PGPEP1L: variants seen among roughly 807,000 people sequenced by gnomAD.
PGPEP1L encodes the protein pyroglutamyl-peptidase 1-like protein.
A neutral mutation model predicts 6.0 loss-of-function variants in PGPEP1L; 7 were observed. The ratio of observed to expected loss-of-function variants is 1.17; its 90% CI spans 0.66 to 2.19. The LOEUF is 2.19. Ranked by LOEUF, PGPEP1L falls within the 30% of genes most tolerant of loss-of-function variation. The probability of loss-of-function intolerance (pLI) is 0.00; values close to 1 mark genes in which losing one functional copy is unlikely to be tolerated. For synonymous variants in PGPEP1L, 103 were observed against 83.9 expected, an observed-to-expected ratio of 1.23 and a Z score of -1.24; for missense variants, 209 against 192.5, an observed-to-expected ratio of 1.09 and a Z score of -0.51.
At chr15:98,994,549 G>A (rs115513148) in intron 2 of PGPEP1L, among the ~76,000 whole-genome samples, 2,593 of 152,060 alleles carry the variant, frequency 0.017, 82 homozygotes, top group African/African-American at 0.059. Context: ...CAGCTATACT[G>A]CATTCCAGCC....
intron 2 of PGPEP1L, chr15:98,998,116 C>T (rs192775880): frequency 3.2e-4 from 49 of 152,772 alleles, no homozygotes; most frequent in Admixed American, 3.2e-3. Flanking sequence ...TTTACCTTCA[C>T]TGCTTCCCAG....
intron 2 of PGPEP1L, among the ~76,000 whole-genome samples, chr15:98,974,521 A>G (rs1484677645): frequency 1.3e-5 from 2 of 152,248 alleles, no homozygotes; most frequent in African/African-American, 4.8e-5. Flanking sequence ...TGACAAAGAA[A>G]AGCCCAGAAC....
chr15:99,007,341 C>CT lies in PGPEP1L; in HGVS notation c.-370+17dup, dbSNP rs1437081687. Reference sequence around the variant, plus strand: ...CTACCTCCTCTGGTGAGCAGCTCTCCTAGCTCCTATCACTTACCTAGTTCC... The same window carrying CT: ...CTACCTCCTCTGGTGAGCAGCTCTCCTTAGCTCCTATCACTTACCTAGTTCC... On this transcript the variant is annotated intron_variant, in intron 1 of 4. Coordinates refer to ENST00000535714, the MANE Select transcript of PGPEP1L (RefSeq NM_001167902.2). 1.3e-5 allele frequency: 2 copies of CT among 152,278 alleles called. No homozygotes were observed. The highest frequency in any genetic ancestry group is 4.8e-5 in the African/African-American group (2 of 41,456). 9.4% of individuals were successfully genotyped at this position (152,278 alleles called of 1,614,324 possible). A position where few individuals can be genotyped will look rare whatever the true frequency, so the allele number is the denominator to read the frequency against.
At chr15:98,984,675 G>A (rs976855442) in intron 2 of PGPEP1L, among the ~76,000 whole-genome samples, 5 of 152,124 alleles carry the variant, frequency 3.3e-5, no homozygotes, top group Non-Finnish European at 5.9e-5. Context: ...TGGGTACTAC[G>A]AATGAGGTCC....
rs796742206 is a variant in PGPEP1L at position 98,971,208 on chromosome 15, G to C, written c.-141-50C>G. 3.9e-4 allele frequency: 55 copies of C among 141,164 alleles called. 1 individual carries two copies. Among genetic ancestry groups the C allele is most frequent in the Admixed American group, 3.5e-3 (23 of 6,526 alleles). 8.7% of individuals were successfully genotyped at this position (141,164 alleles called of 1,614,324 possible). On this transcript the variant is annotated intron_variant, in intron 2 of 4. Transcript: ENST00000535714. ...GCCTCAGTTGATGGGGGGGGGGGGGGGGTGGGCACCAAGAGTCCCTGAAAA... is the reference window on the plus strand; with the variant it reads ...GCCTCAGTTGATGGGGGGGGGGGGGCGGTGGGCACCAAGAGTCCCTGAAAA...
At chr15:98,985,594 T>TC (rs1257989743) in intron 2 of PGPEP1L, among the ~76,000 whole-genome samples, 3 of 152,154 alleles carry the variant, frequency 2.0e-5, no homozygotes, top group African/African-American at 7.2e-5. Flanking sequence ...GAAGTGATCC[T>TC]CTTCCTCTGA....
intron 3 of PGPEP1L, 72 bp from the exon 4 acceptor site, chr15:98,969,723 G>A: frequency 6.7e-7 from 1 of 1,498,228 alleles, no homozygotes; most frequent in Non-Finnish European, 9.2e-7. Context: ...TGTGCAGAAG[G>A]GGCCACTCCT....
chr15:98,982,426 T>C (rs1255346689), intron 2 of PGPEP1L, among the ~76,000 whole-genome samples: 1 of 152,094 alleles, frequency 6.6e-6, no homozygotes, highest in Non-Finnish European at 1.5e-5. Flanking sequence ...AAGGCCAGAG[T>C]GAACTGTGTA....
intron 2 of PGPEP1L, among the ~76,000 whole-genome samples, chr15:98,984,977 T>C (rs1170263659): frequency 1.4e-5 from 2 of 147,888 alleles, no homozygotes; most frequent in Non-Finnish European, 3.0e-5. Context: ...TTCCTGGTAG[T>C]GCTCCTTGCG....
At chr15:98,974,152 G>A (rs1204566817) in intron 2 of PGPEP1L, among the ~76,000 whole-genome samples, 1 of 152,112 alleles carries the variant, frequency 6.6e-6, no homozygotes, top group Non-Finnish European at 1.5e-5. Flanking sequence ...AGGCCAAGGT[G>A]GGCAGATCAC....
intron 2 of PGPEP1L, among the ~76,000 whole-genome samples, chr15:98,992,898 A>G (rs1596524126): frequency 6.6e-6 from 1 of 152,240 alleles, no homozygotes; most frequent in South Asian, 2.1e-4. Flanking sequence ...AGCCATATGC[A>G]GAAAGCTGAA....
rs553386838 is a variant in PGPEP1L, at chr15:98,981,502, A to C, written c.-141-10344T>G. Reference sequence around the variant, plus strand: ...AAGACTCCGTCTCAAAAAAAAAAAAAAAAACAAAAACAAAACAAAAACAAC... The same window carrying C: ...AAGACTCCGTCTCAAAAAAAAAAAACAAAACAAAAACAAAACAAAAACAAC... On this transcript the variant is annotated intron_variant, in intron 2 of 4. Coordinates refer to ENST00000535714, the MANE Select transcript of PGPEP1L (RefSeq NM_001167902.2). 1.6e-4 allele frequency among the ~76,000 whole-genome samples: 24 copies of C among 145,870 alleles called. No individual in the cohort carries two copies. The South Asian group carries it at 2.8e-3, about 17-fold the overall frequency.
At chr15:98,985,091 A>C in intron 2 of PGPEP1L, among the ~76,000 whole-genome samples, 1 of 152,144 alleles carries the variant, frequency 6.6e-6, no homozygotes, top group Admixed American at 6.5e-5. Flanking sequence ...TGTCTAAGGC[A>C]CTGGACGCAG....
At chr15:99,002,446 A>T (rs2017986473) in intron 2 of PGPEP1L, among the ~76,000 whole-genome samples, 1 of 152,112 alleles carries the variant, frequency 6.6e-6, no homozygotes, top group Non-Finnish European at 1.5e-5. Flanking sequence ...AGGTATCTTG[A>T]TTGTGGTGGT....
intron 2 of PGPEP1L, among the ~76,000 whole-genome samples, chr15:98,973,751 G>A (rs2017529935): frequency 6.6e-6 from 1 of 152,092 alleles, no homozygotes; most frequent in Non-Finnish European, 1.5e-5. Context: ...TCATCAAAAA[G>A]ATAGAAAGAC....
intron 2 of PGPEP1L, among the ~76,000 whole-genome samples, chr15:98,984,377 G>A (rs2017716153): frequency 6.6e-6 from 1 of 152,146 alleles, no homozygotes; most frequent in Non-Finnish European, 1.5e-5. Context: ...CTCTTGCTGG[G>A]AGAATGCAGG....
At chr15:98,997,617 A>T (rs1953047234) in intron 2 of PGPEP1L, among the ~76,000 whole-genome samples, 1 of 152,168 alleles carries the variant, frequency 6.6e-6, no homozygotes, top group Admixed American at 6.5e-5. Flanking sequence ...GACAACAGAC[A>T]TTTATTAAGT....
At chr15:98,975,724 T>C (rs2017559394) in intron 2 of PGPEP1L, among the ~76,000 whole-genome samples, 1 of 151,832 alleles carries the variant, frequency 6.6e-6, no homozygotes, top group African/African-American at 2.4e-5. Context: ...CTACTGAAAA[T>C]ACAAAAATTA....
intron 2 of PGPEP1L, among the ~76,000 whole-genome samples, chr15:99,005,092 G>A (rs547480258): frequency 5.3e-5 from 8 of 152,084 alleles, no homozygotes; most frequent in African/African-American, 1.2e-4. Context: ...ACGTGCCTCG[G>A]GCCCCACTCA....
Sources: gnomAD v4.1 joint callset for allele counts (sites outside exome capture counted in the v4.1 genomes callset) on GRCh38, gnomAD v4.1.1 for gene constraint, MANE v1.5 for transcripts, NCBI Gene and HGNC (gene_info 2026-07-23, HGNC 2026-07-21) for gene names.